The following PDE7B variants were observed in gnomAD, a reference collection of about 807,000 sequenced individuals.
PDE7B encodes 3',5'-cyclic-AMP phosphodiesterase 7B.
Under a neutral mutation model 56.2 loss-of-function variants are expected in PDE7B, and 29 were observed. The observed-to-expected ratio is 0.52, with a 90% CI of 0.38 to 0.70. The LOEUF is 0.70. Among genes scored for constraint, PDE7B ranks in the 30% least tolerant of loss-of-function variants. The pLI, the probability that PDE7B is intolerant of heterozygous loss-of-function variation, is 0.00. For synonymous variants in PDE7B, 197 were observed against 196.9 expected (o/e 1.00, Z 0.00); for missense variants, 490 against 565.0 (o/e 0.87, Z 1.35).
chr6:136,001,049 C>T lies in PDE7B; in HGVS notation c.82+53525C>T, dbSNP rs866990153. On this transcript the variant is annotated intron_variant, in intron 2 of 12. Coordinates refer to ENST00000308191, the MANE Select transcript of PDE7B (RefSeq NM_018945.4). ...GCAGCATTTGCAGTTCATGAAAATC[C>T]GCTGTTCTGCAGCCACCGCTGCTGA... 7.9e-5 allele frequency among the ~76,000 whole-genome samples: 12 copies of T among 152,294 alleles called. No homozygotes were observed. The South Asian group carries it at 8.3e-4, about 11-fold the overall frequency.
chr6:136,188,500 G>A (rs1317197341), intron 12 of PDE7B, among the ~76,000 whole-genome samples: 6 of 152,134 alleles, frequency 3.9e-5, no homozygotes, highest in East Asian at 1.9e-4. Flanking sequence ...TTCTGCAGAC[G>A]TGATTCAAAA....
intron 1 of PDE7B, among the ~76,000 whole-genome samples, chr6:135,944,404 G>GT (rs1217538072): frequency 6.6e-6 from 1 of 152,128 alleles, no homozygotes; most frequent in South Asian, 2.1e-4. Context: ...AAAGAAACTG[G>GT]TTTTTTTCAA....
At chr6:136,008,088 G>T (rs1231893703) in intron 2 of PDE7B, among the ~76,000 whole-genome samples, 2 of 151,578 alleles carry the variant, frequency 1.3e-5, no homozygotes, top group East Asian at 1.9e-4. Flanking sequence ...GCAGTGTTTG[G>T]TTTTTTGTCG....
chr6:135,860,843 ATTT>A (rs67709894), intron 1 of PDE7B, among the ~76,000 whole-genome samples: 1 of 149,324 alleles, frequency 6.7e-6, no homozygotes, highest in Non-Finnish European at 1.5e-5. Context: ...CTTGTTTTAA[ATTT>A]TTTTTTTTAC....
chr6:136,140,474 G>C (rs1447623212), intron 3 of PDE7B, among the ~76,000 whole-genome samples: 1 of 152,124 alleles, frequency 6.6e-6, no homozygotes, highest in Non-Finnish European at 1.5e-5. Context: ...GGTTCCATAT[G>C]AACTTTAAAG....
intron 1 of PDE7B, among the ~76,000 whole-genome samples, chr6:135,918,460 A>G (rs1340980175): frequency 6.6e-6 from 1 of 152,176 alleles, no homozygotes; most frequent in Non-Finnish European, 1.5e-5. Flanking sequence ...ACTAGGCCTA[A>G]GACATTTTCT....
intron 9 of PDE7B, among the ~76,000 whole-genome samples, chr6:136,177,677 C>CA (rs1452008946): frequency 6.6e-6 from 1 of 151,756 alleles, no homozygotes; most frequent in Non-Finnish European, 1.5e-5. Context: ...CTGCTGGGAG[C>CA]AAAAATTTAT....
At chr6:136,037,781 G>A (rs956395246) in intron 2 of PDE7B, 1 of 985,406 alleles carries the variant, frequency 1.0e-6, no homozygotes, top group Non-Finnish European at 1.2e-6. Flanking sequence ...GAGCTAAGCC[G>A]ACAAAGAGCT....
At chr6:135,896,262 A>G (rs1562429437) in intron 1 of PDE7B, among the ~76,000 whole-genome samples, 2 of 152,136 alleles carry the variant, frequency 1.3e-5, no homozygotes, top group East Asian at 1.9e-4. Context: ...GCTAACATGT[A>G]TGAGCCTTGG....
intron 1 of PDE7B, among the ~76,000 whole-genome samples, chr6:135,937,595 C>T (rs1401570617): frequency 6.6e-6 from 1 of 152,200 alleles, no homozygotes; most frequent in Admixed American, 6.5e-5. Context: ...AATCAGAATA[C>T]ATTATTCAGA....
intron 2 of PDE7B, among the ~76,000 whole-genome samples, chr6:136,011,769 G>A (rs1049626005): frequency 6.6e-6 from 1 of 152,148 alleles, no homozygotes; most frequent in African/African-American, 2.4e-5. Context: ...TGACATTCCA[G>A]AGTGGCTGCA....
At chr6:135,944,352 G>A (rs890947365) in intron 1 of PDE7B, among the ~76,000 whole-genome samples, 5 of 151,998 alleles carry the variant, frequency 3.3e-5, no homozygotes, top group Non-Finnish European at 7.4e-5. Flanking sequence ...GCCTGGCAGC[G>A]AAGGCTGGAT....
chr6:136,124,248 A>T (rs1411410945), intron 3 of PDE7B, among the ~76,000 whole-genome samples: 4 of 152,144 alleles, frequency 2.6e-5, no homozygotes, highest in African/African-American at 9.7e-5. Context: ...ATAAAAACTT[A>T]GGTGGAAGAA....
chr6:136,032,662 G>T (rs1379967349), intron 2 of PDE7B, among the ~76,000 whole-genome samples: 1 of 152,136 alleles, frequency 6.6e-6, no homozygotes, highest in Non-Finnish European at 1.5e-5. Flanking sequence ...CTACTTCAAG[G>T]GTTGAAGGGC....
intron 11 of PDE7B, among the ~76,000 whole-genome samples, chr6:136,183,594 T>TG (rs1779101623): frequency 1.2e-5 from 1 of 84,680 alleles, no homozygotes; most frequent in Non-Finnish European, 1.9e-5. Context: ...AGACTCTGTC[T>TG]CAAAAAAAAA....
intron 2 of PDE7B, among the ~76,000 whole-genome samples, chr6:136,077,631 G>T (rs1361368685): frequency 7.2e-5 from 11 of 152,244 alleles, no homozygotes; most frequent in Non-Finnish European, 1.6e-4. Context: ...AAATGCAAAG[G>T]TATTCTTAAT....
intron 3 of PDE7B, among the ~76,000 whole-genome samples, chr6:136,116,272 T>G (rs1777829144): frequency 1.3e-5 from 2 of 152,190 alleles, no homozygotes; most frequent in Non-Finnish European, 2.9e-5. Context: ...AGGAAGAAGG[T>G]CCAAAAAGTA....
In PDE7B at chr6:136,128,947, C is replaced by T. The variant is rs563450502; in HGVS notation, c.167-18404C>T. On this transcript the variant is annotated intron_variant, in intron 3 of 12. Transcript: ENST00000308191. ...CTGAGATAGAACCCCAAGCTTTAGACTGTTCCTTCTGCCCCCTTCCATCAG... is the reference window on the plus strand; with the variant it reads ...CTGAGATAGAACCCCAAGCTTTAGATTGTTCCTTCTGCCCCCTTCCATCAG... Among the ~76,000 whole-genome samples, 17 of 152,306 alleles carry T rather than the reference C, an allele frequency of 1.1e-4. No individual in the cohort carries two copies. The East Asian group carries it at 2.9e-3, about 26-fold the overall frequency.
chr6:135,922,081 A>T (rs752061991), intron 1 of PDE7B, among the ~76,000 whole-genome samples: 3 of 152,194 alleles, frequency 2.0e-5, no homozygotes, highest in Non-Finnish European at 4.4e-5. Context: ...TAGAGATTGC[A>T]TAAGGTCAAT....
Sources: allele counts gnomAD v4.1 joint callset (sites outside exome capture counted in the v4.1 genomes callset), GRCh38; gene constraint gnomAD v4.1.1; transcripts MANE v1.5; gene names NCBI Gene and HGNC (gene_info 2026-07-23, HGNC 2026-07-21).